The following DIAPH2 variants were observed in gnomAD, a reference collection of about 807,000 sequenced individuals.
DIAPH2 encodes the protein diaphanous related formin 2, also known as protein diaphanous homolog 2.
Under a neutral mutation model 92.7 loss-of-function variants are expected in DIAPH2, and 35 were observed. The observed-to-expected ratio is 0.38, with a 90% CI of 0.29 to 0.50. DIAPH2 has a LOEUF of 0.50. Ranked by LOEUF, DIAPH2 falls within the 20% of genes least tolerant of loss-of-function variation. DIAPH2 has a pLI of 0.94. For missense variants in DIAPH2, 701 were observed against 819.5 expected (o/e 0.86, Z 1.77); for synonymous variants, 301 against 280.4 (o/e 1.07, Z -0.73).
intron 21 of DIAPH2, among the ~76,000 whole-genome samples, chrX:97,125,411 G>A (rs1022288075): frequency 3.1e-5 from 3 of 97,042 alleles, no homozygotes; most frequent in Non-Finnish European, 4.0e-5. Flanking sequence ...GGCAGAGGTT[G>A]CAGTGAGCCA....
chrX:97,536,847 T>C (rs2071099859), intron 26 of DIAPH2, among the ~76,000 whole-genome samples: 1 of 111,987 alleles, frequency 8.9e-6, no homozygotes, highest in Non-Finnish European at 1.9e-5. Flanking sequence ...CAATTAAGTC[T>C]AAAATACATT....
intron 23 of DIAPH2, among the ~76,000 whole-genome samples, chrX:97,290,646 A>C (rs2068581969): frequency 8.9e-6 from 1 of 112,546 alleles, no homozygotes; most frequent in Non-Finnish European, 1.9e-5. Flanking sequence ...CCTGGGTTTA[A>C]TTATATCCTG....
At chrX:96,745,257 C>T (rs896664830) in intron 3 of DIAPH2, among the ~76,000 whole-genome samples, 2 of 111,369 alleles carry the variant, frequency 1.8e-5, no homozygotes, top group Admixed American at 1.9e-4. Flanking sequence ...CTGCCAGCCT[C>T]AGCCTCCCAA....
chrX:97,166,750 C>G (rs1236752465), intron 22 of DIAPH2, among the ~76,000 whole-genome samples: 2 of 111,778 alleles, frequency 1.8e-5, no homozygotes, highest in Non-Finnish European at 3.8e-5. Flanking sequence ...TAAAGAAATA[C>G]AACTTTATCA....
intron 1 of DIAPH2, among the ~76,000 whole-genome samples, chrX:96,721,194 T>C (rs1235458065): frequency 8.9e-6 from 1 of 112,080 alleles, no homozygotes; most frequent in Non-Finnish European, 1.9e-5. Context: ...ACTGGGAAGT[T>C]TTTATGTTTG....
intron 22 of DIAPH2, among the ~76,000 whole-genome samples, chrX:97,164,935 C>CAAG (rs2067400934): frequency 1.8e-5 from 2 of 112,104 alleles, no homozygotes; most frequent in South Asian, 7.3e-4. Flanking sequence ...AACAGAAGAC[C>CAAG]AAGAAAGAAA....
At chrX:97,012,415 T>C (rs2066233525) in intron 17 of DIAPH2, among the ~76,000 whole-genome samples, 1 of 112,038 alleles carries the variant, frequency 8.9e-6, no homozygotes, top group African/African-American at 3.2e-5. Flanking sequence ...ATAACTCCTC[T>C]ACTCTCTCAT....
In DIAPH2 at chrX:97,248,540, A is replaced by AT. The variant is rs771665229; in HGVS notation, c.2844+703dup. Among the ~76,000 whole-genome samples the AT allele has an allele frequency of 5.8e-3, 648 of 111,750 alleles. 2 individuals are homozygous for AT. Among genetic ancestry groups the AT allele is most frequent in the African/African-American group, 0.02 (611 of 30,874 alleles). On this transcript the variant is annotated intron_variant, in intron 23 of 26. Coordinates refer to ENST00000324765, the MANE Select transcript of DIAPH2 (RefSeq NM_006729.5). ...AATCTGGTGTCTAAAGATAAACTAC[A>AT]TTAGACCTGATTTTTTTATAATTTT...
chrX:97,019,008 T>G (rs1320157065), intron 17 of DIAPH2, among the ~76,000 whole-genome samples: 1 of 111,836 alleles, frequency 8.9e-6, no homozygotes, highest in East Asian at 2.8e-4. Context: ...AGCTTCTGCT[T>G]CTTTCACTGA....
intron 4 of DIAPH2, among the ~76,000 whole-genome samples, chrX:96,799,381 T>G (rs1274892381): frequency 8.9e-6 from 1 of 112,473 alleles, no homozygotes; most frequent in Non-Finnish European, 1.9e-5. Flanking sequence ...TAGTACCAGT[T>G]ACTTCTTTAT....
intron 17 of DIAPH2, among the ~76,000 whole-genome samples, chrX:97,014,565 A>C (rs1415774130): frequency 8.9e-6 from 1 of 112,067 alleles, no homozygotes; most frequent in African/African-American, 3.2e-5. Context: ...GAACCAGATA[A>C]ATTCTACAGC....
chrX:97,430,844 C>T (rs184229635), intron 26 of DIAPH2, among the ~76,000 whole-genome samples: 17 of 112,149 alleles, frequency 1.5e-4, no homozygotes, highest in African/African-American at 5.5e-4. Flanking sequence ...ATCTTTTTCA[C>T]ATTTGGGTGA....
intron 9 of DIAPH2, among the ~76,000 whole-genome samples, chrX:96,927,670 T>C (rs1334072773): frequency 9.0e-6 from 1 of 111,288 alleles, no homozygotes; most frequent in Admixed American, 9.6e-5. Context: ...CCATATAGAA[T>C]AGCACAGTAC....
At chrX:97,573,030 A>ACTT (rs1569426837) in intron 26 of DIAPH2, among the ~76,000 whole-genome samples, 1 of 111,392 alleles carries the variant, frequency 9.0e-6, no homozygotes, top group Non-Finnish European at 1.9e-5. Context: ...TTAAGTGAGC[A>ACTT]CTTTTAGATG....
At chrX:97,469,746 G>T in intron 26 of DIAPH2, 1 of 1,203,682 alleles carries the variant, frequency 8.3e-7, no homozygotes, top group Non-Finnish European at 1.1e-6. Context: ...CTACATAAAC[G>T]GCCTGAGTGC....
At chrX:97,024,425 A>C (rs1177432365) in intron 17 of DIAPH2, among the ~76,000 whole-genome samples, 6 of 111,737 alleles carry the variant, frequency 5.4e-5, no homozygotes, top group African/African-American at 2.0e-4. Context: ...ACAGATAGGG[A>C]TTCAGATCAT....
In DIAPH2 at chrX:97,352,016, C is replaced by A. The variant is rs904619116; in HGVS notation, c.3009+3736C>A. Among the ~76,000 whole-genome samples the A allele has an allele frequency of 9.0e-5, 10 of 110,612 alleles. No homozygotes were observed. In the East Asian group the frequency reaches 2.8e-3, roughly 31 times the overall value. On this transcript the variant is annotated intron_variant, in intron 24 of 26. Coordinates refer to ENST00000324765, the MANE Select transcript of DIAPH2 (RefSeq NM_006729.5). ...CACTCTCCCAGGGGAGGGAAGAACC[C>A]TGAAAGATTGGCAAAAATTGTAATC...
intron 25 of DIAPH2, among the ~76,000 whole-genome samples, chrX:97,413,973 CTGCCCAAGGTAATTTATAGAT>C (rs2069909969): frequency 8.9e-6 from 1 of 112,057 alleles, no homozygotes; most frequent in Non-Finnish European, 1.9e-5. Context: ...AATGGCCATA[CTGCCCAAGGTAATTTATAGAT>C]TCAGTGCCAT....
In DIAPH2 at chrX:97,062,333, T is replaced by C. The variant is rs1287707845; in HGVS notation, c.2051-10608T>C. On this transcript the variant is annotated intron_variant, in intron 17 of 26. Transcript: ENST00000324765. The stretch of plus-strand genomic sequence containing the variant: ...TTGGGAAGTATTTATTGAGCTATTA[T>C]AGAGTGTTGTGTTATGTACTACAGA... Among the ~76,000 whole-genome samples, 3 of 112,119 alleles carry C rather than the reference T, an allele frequency of 2.7e-5. No individual in the cohort carries two copies. The East Asian group carries it at 8.4e-4, about 31-fold the overall frequency.
Sources: allele counts gnomAD v4.1 joint callset (sites outside exome capture counted in the v4.1 genomes callset), GRCh38; gene constraint gnomAD v4.1.1; transcripts MANE v1.5; gene names NCBI Gene and HGNC (gene_info 2026-07-23, HGNC 2026-07-21).